The following BNC2 variants were observed in gnomAD, a reference collection of about 807,000 sequenced individuals.
The protein encoded by BNC2 is zinc finger protein basonuclin-2.
A neutral mutation model predicts 76.3 loss-of-function variants in BNC2; 20 were observed. The observed-to-expected ratio is 0.26, with a 90% CI of 0.18 to 0.38. The LOEUF is 0.38. Among genes scored for constraint, BNC2 ranks in the 10% least tolerant of loss-of-function variants. BNC2 has a pLI of 1.00. For synonymous variants in BNC2, 582 were observed against 514.8 expected, an observed-to-expected ratio of 1.13 and a Z score of -1.77; for missense variants, 1,382 against 1,399.8, an observed-to-expected ratio of 0.99 and a Z score of 0.20.
chr9:16,520,476 G>GC (rs1817583208), intron 5 of BNC2, among the ~76,000 whole-genome samples: 1 of 152,190 alleles, frequency 6.6e-6, no homozygotes, highest in Non-Finnish European at 1.5e-5. Flanking sequence ...CTATTCCTCT[G>GC]CAATATTGCA....
chr9:16,419,402 T>A lies in BNC2; in HGVS notation c.2887A>T (p.Ser963Cys). 1 of 1,601,258 alleles carries A rather than the reference T, an allele frequency of 6.2e-7. No homozygotes were observed. The highest frequency in any genetic ancestry group is 8.5e-7 in the Non-Finnish European group (1 of 1,173,070). ...MAEDYMVLDL[S>C]TTSSLQSSSS... ...CTGGACTGGAGGCTGGAGGTGGTGC[T>A]CAAGTCAAGGACCATGTAGTCCTCT... Residue 963 changes from serine to cysteine, a missense_variant, in exon 7 of 7, where the codon AGC becomes TGC. Around this residue, in one of 3 missense-constraint regions of BNC2, gnomAD observed 798 missense variants for 775.5 expected, o/e 1.03. Transcript: ENST00000380672.
chr9:16,677,591 A>ACACACACACG (rs1822689996), intron 3 of BNC2, among the ~76,000 whole-genome samples: 2 of 151,520 alleles, frequency 1.3e-5, no homozygotes, highest in African/African-American at 4.9e-5. Flanking sequence ...ACACACACAC[A>ACACACACACG]CACACACACA....
intron 5 of BNC2, among the ~76,000 whole-genome samples, chr9:16,480,976 C>A (rs1163067665): frequency 6.6e-6 from 1 of 152,214 alleles, no homozygotes. Flanking sequence ...GCTCCTGAGT[C>A]TGGTAGGGAA....
chr9:16,865,594 C>G (rs1819524631), intron 1 of BNC2, among the ~76,000 whole-genome samples: 2 of 151,874 alleles, frequency 1.3e-5, no homozygotes, highest in South Asian at 2.1e-4. Context: ...AGGTTGTATT[C>G]CTTAGGAAGT....
chr9:16,769,954 G>A (rs536501443), intron 1 of BNC2, among the ~76,000 whole-genome samples: 70 of 152,200 alleles, frequency 4.6e-4, no homozygotes, highest in Middle Eastern at 6.8e-3. Context: ...AATTTCCCAG[G>A]CCTTGGGAAA....
intron 3 of BNC2, among the ~76,000 whole-genome samples, chr9:16,591,351 G>A (rs1443086528): frequency 1.3e-5 from 2 of 152,104 alleles, no homozygotes; most frequent in East Asian, 1.9e-4. Context: ...GAAGAGTTTT[G>A]CAACCAAGTA....
intron 3 of BNC2, among the ~76,000 whole-genome samples, chr9:16,649,298 T>G (rs530429261): frequency 6.6e-6 from 1 of 152,270 alleles, no homozygotes; most frequent in Admixed American, 6.5e-5. Context: ...AGCTGACCAA[T>G]TCTTTAAGAA....
chr9:16,740,392 G>C (rs58020758), intron 1 of BNC2, among the ~76,000 whole-genome samples: 6,734 of 152,252 alleles, frequency 0.044, 521 homozygotes, highest in African/African-American at 0.16. Flanking sequence ...CTTCAGATGT[G>C]TTTGTACATT....
At chr9:16,708,664 A>C (rs1168278902) in intron 3 of BNC2, among the ~76,000 whole-genome samples, 5 of 152,136 alleles carry the variant, frequency 3.3e-5, no homozygotes, top group African/African-American at 4.8e-5. Context: ...GAGAAAAAGA[A>C]ATAAGAATGA....
chr9:16,723,010 T>C (rs970761122), intron 3 of BNC2, among the ~76,000 whole-genome samples: 8 of 152,196 alleles, frequency 5.3e-5, no homozygotes, highest in Non-Finnish European at 1.0e-4. Context: ...ATATGTCTAT[T>C]GTTAAAAATA....
intron 3 of BNC2, among the ~76,000 whole-genome samples, chr9:16,675,347 G>A (rs188766541): frequency 1.7e-4 from 26 of 151,986 alleles, no homozygotes; most frequent in South Asian, 1.3e-3. Context: ...CTCTGCCTCC[G>A]GGCTCAAGTG....
intron 3 of BNC2, among the ~76,000 whole-genome samples, chr9:16,626,795 G>A (rs763525022): frequency 6.6e-6 from 1 of 152,066 alleles, no homozygotes; most frequent in Non-Finnish European, 1.5e-5. Context: ...ACAGGGTATT[G>A]AAGTATGCAG....
At position 16,463,593 on chromosome 9, in the gene BNC2, G is replaced by A. The variant is rs182670841; in HGVS notation, c.670-26069C>T. Among the ~76,000 whole-genome samples the A allele has an allele frequency of 3.5e-5, 5 of 143,920 alleles. No homozygotes were observed. The East Asian group carries it at 9.7e-4, about 28-fold the overall frequency. 94.4% of individuals were successfully genotyped at this position (143,920 alleles called of 152,430 possible). ...CTACAGGCGTGAGCCACCGCGCCCG[G>A]CCAAATTCTTGACTAATCTATCCAA... is the stretch of plus-strand genomic sequence containing the variant. On this transcript the variant is annotated intron_variant, in intron 5 of 6. Coordinates refer to ENST00000380672, the MANE Select transcript of BNC2 (RefSeq NM_017637.6).
At chr9:16,791,967 T>C (rs1018501987) in intron 1 of BNC2, among the ~76,000 whole-genome samples, 1 of 151,820 alleles carries the variant, frequency 6.6e-6, no homozygotes. Flanking sequence ...CCAGGTGTGG[T>C]TGCTCGTGCC....
intron 3 of BNC2, among the ~76,000 whole-genome samples, chr9:16,668,705 T>C (rs117074164): frequency 6.6e-6 from 1 of 152,344 alleles, no homozygotes; most frequent in Non-Finnish European, 1.5e-5. Context: ...TGCTGTATTC[T>C]TTCAAAGGAA....
chr9:16,594,041 T>C (rs757294362), intron 3 of BNC2, among the ~76,000 whole-genome samples: 14 of 152,170 alleles, frequency 9.2e-5, no homozygotes, highest in Non-Finnish European at 1.6e-4. Context: ...CTCTGTGGCA[T>C]TCATGAAAAC....
chr9:16,840,529 A>G (rs1299667493), intron 1 of BNC2, among the ~76,000 whole-genome samples: 1 of 152,172 alleles, frequency 6.6e-6, no homozygotes, highest in Non-Finnish European at 1.5e-5. Context: ...CTTTAATGTC[A>G]TGATGGCAAA....
chr9:16,672,274 G>A (rs1822499832), intron 3 of BNC2, among the ~76,000 whole-genome samples: 2 of 152,284 alleles, frequency 1.3e-5, no homozygotes, highest in African/African-American at 2.4e-5. Flanking sequence ...GAGGCGGGCG[G>A]ATCACGAGGT....
intron 5 of BNC2, among the ~76,000 whole-genome samples, chr9:16,516,654 T>G (rs963061588): frequency 4.6e-5 from 7 of 152,100 alleles, no homozygotes; most frequent in Non-Finnish European, 7.4e-5. Context: ...AATGTGTGCT[T>G]CTTTTTTTTT....
Sources: gnomAD v4.1 joint callset for allele counts (sites outside exome capture counted in the v4.1 genomes callset) on GRCh38, gnomAD v4.1.1 for gene constraint, gnomAD v4.1.1 regional missense constraint, MANE v1.5 for transcripts, NCBI Gene and HGNC (gene_info 2026-07-23, HGNC 2026-07-21) for gene names.